Variants in IGSF10 observed in about 807,000 individuals in gnomAD.
IGSF10 encodes the protein immunoglobulin superfamily member 10, also known as calvaria mechanical force protein 608.
IGSF10 carries 126 observed loss-of-function variants against 128.2 expected under a neutral mutation model. The ratio of observed to expected loss-of-function variants is 0.98; its 90% CI spans 0.85 to 1.14. The LOEUF (loss-of-function observed/expected upper bound fraction) is 1.14, where lower values mean the gene tolerates loss of function less well. Ranked by LOEUF, IGSF10 falls within the 50% of genes most tolerant of loss-of-function variation. The pLI is 0.00. For missense variants in IGSF10, 3,295 were observed against 3,149.8 expected, an observed-to-expected ratio of 1.05 and a Z score of -1.10; for synonymous variants, 1,185 against 1,146.2, an observed-to-expected ratio of 1.03 and a Z score of -0.68.
Position 151,437,370 on chromosome 3 carries a change from G to A in IGSF10, c.7191C>T (p.Ile2397=), listed in dbSNP as rs1253101333. ...QYLIASNGSF[I]ISKTTREDAG... is the part of the protein sequence containing the mutation. ...CATCCTCCCGAGTTGTTTTAGAAAT[G>A]ATAAAAGAACCATTGCTTGCTATCA... is the stretch of plus-strand genomic sequence containing the variant. The change falls in exon 8 of 8, where the codon ATC becomes ATT. Residue 2397 remains isoleucine, a synonymous_variant. Transcript: ENST00000282466. The A allele has an allele frequency of 2.5e-6, 4 of 1,614,068 alleles. No individual in the cohort carries two copies. The highest frequency in any genetic ancestry group is 3.4e-6 in the Non-Finnish European group (4 of 1,180,028).
chr3:151,607,912 GAAAAAAAAAAA>G, the IGSF10 span, among the ~76,000 whole-genome samples: 3 of 42,044 alleles, frequency 7.1e-5, no homozygotes, highest in East Asian at 2.4e-3. Flanking sequence ...CTCCATCTCG[GAAAAAAAAAAA>G]AAAAAAAAAA....
the IGSF10 span, among the ~76,000 whole-genome samples, chr3:151,514,591 G>A: frequency 1.3e-5 from 2 of 152,104 alleles, no homozygotes; most frequent in Non-Finnish European, 2.9e-5. Context: ...CAAAAGCAAT[G>A]GCAACAAAAG....
Position 151,448,314 on chromosome 3 carries a change from T to C in IGSF10, c.1667A>G (p.Tyr556Cys). The change falls in exon 6 of 8, where the codon TAT becomes TGT. Residue 556 changes from tyrosine to cysteine, a missense_variant. Coordinates refer to ENST00000282466, the MANE Select transcript of IGSF10 (RefSeq NM_178822.5). ...ATAGGTGAGAATATCTGCATCATCA[T>C]AATTGCTGCTTATACAGTGATATAC... ...TGVYHCISSN[Y>C]DDADILTYRI... 2 of 1,614,232 alleles carry C rather than the reference T, an allele frequency of 1.2e-6. No individual in the cohort carries two copies. Among genetic ancestry groups the C allele is most frequent in the Non-Finnish European group, 1.7e-6 (2 of 1,180,022 alleles).
rs1446950048 is a variant in IGSF10 at position 151,443,732 on chromosome 3, A to G, written c.5215T>C (p.Ser1739Pro). ...FGTDHLHVTLSVVSYPPRILE... is the reference protein window; with the variant it reads ...FGTDHLHVTLPVVSYPPRILE... Reference sequence around the variant, plus strand: ...ATCCTGGGAGGATAGGAAACCACAGACAAGGTGACATGAAGGTGGTCTGTG... The same window carrying G: ...ATCCTGGGAGGATAGGAAACCACAGGCAAGGTGACATGAAGGTGGTCTGTG... Residue 1739 changes from serine (S) to proline (P), a missense_variant, in exon 7 of 8, where the codon TCT becomes CCT. Transcript: ENST00000282466. 2 of 1,614,172 alleles carry G rather than the reference A, an allele frequency of 1.2e-6. No individual in the cohort carries two copies. The highest frequency in any genetic ancestry group is 1.7e-5 in the Admixed American group (1 of 60,016).
the IGSF10 span, among the ~76,000 whole-genome samples, chr3:151,521,485 T>C: frequency 6.6e-6 from 1 of 151,768 alleles, no homozygotes; most frequent in Non-Finnish European, 1.5e-5. Flanking sequence ...GCAAATGCAA[T>C]AGAATCAAAA....
At chr3:151,517,946 GA>G in the IGSF10 span, among the ~76,000 whole-genome samples, 9 of 151,880 alleles carry the variant, frequency 5.9e-5, no homozygotes, top group Non-Finnish European at 1.0e-4. Flanking sequence ...CTCACCTTAC[GA>G]ACCCCAGAGT....
Position 151,437,046 on chromosome 3 carries a change from G to T in IGSF10, c.7515C>A (p.Ile2505=), listed in dbSNP as rs778068244. Residue 2505 remains isoleucine (I), a synonymous_variant, in exon 8 of 8, where the codon ATC becomes ATA. Coordinates refer to ENST00000282466, the MANE Select transcript of IGSF10 (RefSeq NM_178822.5). The part of the protein sequence containing the change: ...EATAYDRGNY[I]CKAQNSVGHT... Reference sequence around the variant, plus strand: ...GACCAACACTATTTTGAGCCTTACAGATATAGTTTCCTCTGTCATAAGCTG... The same window carrying T: ...GACCAACACTATTTTGAGCCTTACATATATAGTTTCCTCTGTCATAAGCTG... 6.2e-7 allele frequency: 1 copy of T among 1,614,128 alleles called. No homozygotes were observed. The highest frequency in any genetic ancestry group is 1.1e-5 in the South Asian group (1 of 91,080).
chr3:151,591,775 C>T, the IGSF10 span, among the ~76,000 whole-genome samples: 2 of 151,956 alleles, frequency 1.3e-5, no homozygotes, highest in African/African-American at 4.8e-5. Flanking sequence ...GCTATGAAGT[C>T]CTGGAAAGAG....
the IGSF10 span, among the ~76,000 whole-genome samples, chr3:151,562,229 G>A: frequency 1.3e-5 from 2 of 152,086 alleles, no homozygotes; most frequent in Non-Finnish European, 1.5e-5. Context: ...CTGCAGTCCC[G>A]CCAGTGCCTG....
chr3:151,499,646 G>A, the IGSF10 span: 1 of 152,212 alleles, frequency 6.6e-6, no homozygotes, highest in East Asian at 1.9e-4. Flanking sequence ...TGTGGCTCCA[G>A]GACCCCACCA....
At chr3:151,602,030 T>C in the IGSF10 span, among the ~76,000 whole-genome samples, 1 of 152,142 alleles carries the variant, frequency 6.6e-6, no homozygotes, top group Admixed American at 6.5e-5. Flanking sequence ...TAAGATTTTT[T>C]TTTTTTGCTT....
the IGSF10 span, among the ~76,000 whole-genome samples, chr3:151,597,842 G>A: frequency 2.0e-5 from 3 of 151,890 alleles, no homozygotes; most frequent in Admixed American, 6.6e-5. Flanking sequence ...CCTTGAACCC[G>A]GGAGGCGGAG....
At chr3:151,514,477 T>C in the IGSF10 span, among the ~76,000 whole-genome samples, 1 of 151,950 alleles carries the variant, frequency 6.6e-6, no homozygotes, top group Non-Finnish European at 1.5e-5. Context: ...ATTCAAGGAT[T>C]AAAGACTTAA....
At chr3:151,604,414 A>T in the IGSF10 span, among the ~76,000 whole-genome samples, 1 of 152,094 alleles carries the variant, frequency 6.6e-6, no homozygotes, top group Admixed American at 6.6e-5. Context: ...TAAATCAACT[A>T]GGAAGTTTAA....
At chr3:151,454,664 T>C (rs1379072413) in intron 4 of IGSF10, among the ~76,000 whole-genome samples, 1 of 152,154 alleles carries the variant, frequency 6.6e-6, no homozygotes, top group Non-Finnish European at 1.5e-5. Flanking sequence ...AGACTATTGA[T>C]TTTAATTTAT....
the IGSF10 span, among the ~76,000 whole-genome samples, chr3:151,585,651 A>C: frequency 1.3e-5 from 2 of 151,716 alleles, no homozygotes; most frequent in Admixed American, 1.3e-4. Context: ...TATTTGCTTT[A>C]TTTTGTAACT....
the IGSF10 span, among the ~76,000 whole-genome samples, chr3:151,472,739 G>A: frequency 6.6e-6 from 1 of 152,166 alleles, no homozygotes; most frequent in African/African-American, 2.4e-5. Flanking sequence ...TTATGCCAAA[G>A]TATACTTTTG....
chr3:151,455,012 ATAATT>A (rs1188629852), intron 4 of IGSF10, among the ~76,000 whole-genome samples: 1 of 152,206 alleles, frequency 6.6e-6, no homozygotes, highest in Admixed American at 6.5e-5. Flanking sequence ...TCTCAAAAAA[ATAATT>A]TAAAAGTGTA....
the IGSF10 span, among the ~76,000 whole-genome samples, chr3:151,474,647 G>C: frequency 1.3e-5 from 2 of 152,088 alleles, no homozygotes; most frequent in Admixed American, 1.3e-4. Flanking sequence ...GGTTAATTTG[G>C]TTCAGTTCAT....
Sources: gnomAD v4.1 joint callset for allele counts (sites outside exome capture counted in the v4.1 genomes callset) on GRCh38, gnomAD v4.1.1 for gene constraint, MANE v1.5 for transcripts, NCBI Gene and HGNC (gene_info 2026-07-23, HGNC 2026-07-21) for gene names.